The following MYO1F variants were observed in gnomAD, a reference collection of about 807,000 sequenced individuals.
MYO1F encodes the protein unconventional myosin-If.
MYO1F carries 60 observed loss-of-function variants against 146.6 expected under a neutral mutation model. The observed-to-expected ratio is 0.41, with a 90% CI of 0.33 to 0.51. The LOEUF is 0.51. MYO1F is among the 20% of genes least tolerant of loss of function. The pLI is 0.25. For synonymous variants in MYO1F, 602 were observed against 602.1 expected (o/e 1.00, Z 0.00); for missense variants, 1,274 against 1,534.3 (o/e 0.83, Z 2.83).
At chr19:8,526,674 C>CA in intron 23 of MYO1F, 73 bp from the exon 24 acceptor site, 1 of 1,549,002 alleles carries the variant, frequency 6.5e-7, no homozygotes, top group South Asian at 1.2e-5. Flanking sequence ...CTGGTTGGGG[C>CA]AGGGGCGGGG....
intron 1 of MYO1F, among the ~76,000 whole-genome samples, chr19:8,562,081 C>G (rs895442901): frequency 1.3e-5 from 2 of 151,530 alleles, no homozygotes; most frequent in African/African-American, 2.4e-5. Flanking sequence ...GTCGCCCAGG[C>G]TGAAGGGCAG....
At chr19:8,536,109 C>T (rs1568340359) in intron 19 of MYO1F, 143 bp downstream of exon 19, 6 of 1,094,164 alleles carry the variant, frequency 5.5e-6, no homozygotes, top group Non-Finnish European at 6.7e-6. Context: ...CCCTCTCTCT[C>T]AATCTGTTTC....
chr19:8,543,765 G>A (rs1276704996), intron 14 of MYO1F, among the ~76,000 whole-genome samples: 1 of 9,572 alleles, frequency 1.0e-4, no homozygotes, highest in Non-Finnish European at 2.0e-4. Context: ...GGTGGTGGTG[G>A]TGCTGGTGGT....
At chr19:8,562,270 G>T (rs1027582711) in intron 1 of MYO1F, among the ~76,000 whole-genome samples, 1 of 151,890 alleles carries the variant, frequency 6.6e-6, no homozygotes, top group African/African-American at 2.4e-5. Context: ...CAAAGCACTG[G>T]GATTATAGGC....
At position 8,530,719 on chromosome 19, in the gene MYO1F, T is replaced by C. The variant is rs867710924; in HGVS notation, c.2044-146A>G. 5.9e-6 allele frequency: 4 copies of C among 680,086 alleles called. No homozygotes were observed. Among genetic ancestry groups the C allele is most frequent in the Admixed American group, 4.5e-5 (2 of 44,002 alleles). 42.1% of individuals were successfully genotyped at this position (680,086 alleles called of 1,614,324 possible). A position where few individuals can be genotyped will look rare whatever the true frequency, so the allele number is the denominator to read the frequency against. On this transcript the variant is annotated intron_variant, in intron 19 of 27. Coordinates refer to ENST00000644032, the MANE Select transcript of MYO1F (RefSeq NM_012335.4). This position sits in a 1 kb window ranked among gnomAD's most constrained non-coding sequence, Gnocchi z 5.8. Reference sequence around the variant, plus strand: ...CTAATTTTTTTAAGAGGCGGGGTCTTTCTAGTGACACTCGTTCATAAAGAA... The same window carrying C: ...CTAATTTTTTTAAGAGGCGGGGTCTCTCTAGTGACACTCGTTCATAAAGAA...
At chr19:8,555,370 C>G (rs1973800378) in intron 2 of MYO1F, 1 of 325,708 alleles carries the variant, frequency 3.1e-6, no homozygotes, top group African/African-American at 2.9e-5. Context: ...GAGCAAGACT[C>G]CGTCTCAAAA....
rs868913799 is a variant in MYO1F, at chr19:8,576,906, G to A, written c.3+401C>T. 2.6e-5 allele frequency: 8 copies of A among 306,978 alleles called. No individual in the cohort carries two copies. In the East Asian group the frequency reaches 6.1e-4, roughly 23 times the overall value. 19.0% of individuals were successfully genotyped at this position (306,978 alleles called of 1,614,324 possible). A position where few individuals can be genotyped will look rare whatever the true frequency, so the allele number is the denominator to read the frequency against. ...TCCAAATATGACATCTGTGGGAACCGGGGCCAAGAGAGGGGAAGTGACTAG... is the reference window on the plus strand; with the variant it reads ...TCCAAATATGACATCTGTGGGAACCAGGGCCAAGAGAGGGGAAGTGACTAG... On this transcript the variant is annotated intron_variant, in intron 1 of 27. Coordinates refer to ENST00000644032, the MANE Select transcript of MYO1F (RefSeq NM_012335.4).
At chr19:8,540,979 T>A (rs1972938528) in intron 15 of MYO1F, among the ~76,000 whole-genome samples, 1 of 151,568 alleles carries the variant, frequency 6.6e-6, no homozygotes, top group African/African-American at 2.4e-5. Flanking sequence ...TGGGGTGGAG[T>A]TTGAGGTTCT....
chr19:8,553,736 G>T (rs191437652), intron 4 of MYO1F, among the ~76,000 whole-genome samples: 228 of 151,638 alleles, frequency 1.5e-3, no homozygotes, highest in African/African-American at 5.2e-3. Flanking sequence ...GCCGGACATG[G>T]TGGTGGGCGC....
intron 1 of MYO1F, among the ~76,000 whole-genome samples, chr19:8,556,887 C>CA (rs534645939): frequency 0.05 from 3,299 of 65,650 alleles, 80 homozygotes; most frequent in Non-Finnish European, 0.084. Context: ...AACTCTGTCT[C>CA]AAAAAAAAAA....
chr19:8,568,422 C>CAAAAAAAAAA lies in MYO1F; in HGVS notation c.3+8875_3+8884dup, dbSNP rs55833513. Among the ~76,000 whole-genome samples, 64 of 66,404 alleles carry CAAAAAAAAAA rather than the reference C, an allele frequency of 9.6e-4. 2 individuals are homozygous for CAAAAAAAAAA. The highest frequency in any genetic ancestry group is 3.1e-3 in the African/African-American group (45 of 14,356). The allele number at this position is 66,404 out of a possible 152,430, so 43.6% of individuals were successfully genotyped here. On this transcript the variant is annotated intron_variant, in intron 1 of 27. Transcript: ENST00000644032. ...TGGGTGAAAGAGTGAGACTCCGTCT[C>CAAAAAAAAAA]AAAAAAAAAAAAAAAAAAAAAAATT...
chr19:8,543,906 G>GTGGTGC (rs1973173660), intron 14 of MYO1F, among the ~76,000 whole-genome samples: 3 of 86,100 alleles, frequency 3.5e-5, no homozygotes, highest in Non-Finnish European at 6.4e-5. Context: ...GCTGGTGGTG[G>GTGGTGC]TGGTGGTGGT....
chr19:8,575,679 C>T (rs1488708763), intron 1 of MYO1F, among the ~76,000 whole-genome samples: 3 of 152,106 alleles, frequency 2.0e-5, no homozygotes, highest in Non-Finnish European at 4.4e-5. Context: ...CACCACTCCT[C>T]CAGGAAGATT....
chr19:8,543,963 GTGGTGGTGC>G (rs1973193430), intron 14 of MYO1F: 9 of 312,660 alleles, frequency 2.9e-5, no homozygotes, highest in East Asian at 2.3e-4. Flanking sequence ...GGTGGTGGTG[GTGGTGGTGC>G]TGGTGCTGGT....
At chr19:8,532,664 A>G (rs922551684) in intron 19 of MYO1F, among the ~76,000 whole-genome samples, 2 of 152,008 alleles carry the variant, frequency 1.3e-5, no homozygotes, top group African/African-American at 2.4e-5. Flanking sequence ...AGGTGGGAGC[A>G]TTGTTGAGCC....
At chr19:8,543,849 G>C (rs12971599) in intron 14 of MYO1F, among the ~76,000 whole-genome samples, 1 of 47,634 alleles carries the variant, frequency 2.1e-5, no homozygotes, top group Non-Finnish European at 3.9e-5. Flanking sequence ...GGTGGTGGTG[G>C]TGGTGGTGCT....
At chr19:8,543,903 G>A (rs1321685476) in intron 14 of MYO1F, among the ~76,000 whole-genome samples, 3 of 98,116 alleles carry the variant, frequency 3.1e-5, no homozygotes, top group Admixed American at 9.9e-5. Flanking sequence ...GGTGCTGGTG[G>A]TGGTGGTGGT....
intron 5 of MYO1F, 54 bp from the exon 6 acceptor site, chr19:8,553,282 A>G: frequency 1.2e-6 from 2 of 1,602,104 alleles, no homozygotes; most frequent in Admixed American, 3.3e-5. Context: ...AGGAGTGCAG[A>G]TGGGTGGGGC....
intron 13 of MYO1F, 129 bp downstream of exon 13, chr19:8,545,521 T>G: frequency 1.2e-6 from 1 of 801,406 alleles, no homozygotes; most frequent in Non-Finnish European, 2.3e-6. Flanking sequence ...TATCTGTCGC[T>G]GGAAGTCCTG....
Sources: gnomAD v4.1 joint callset for allele counts (sites outside exome capture counted in the v4.1 genomes callset) on GRCh38, gnomAD v4.1.1 for gene constraint, Gnocchi (gnomAD v3.1) non-coding constraint, MANE v1.5 for transcripts, NCBI Gene and HGNC (gene_info 2026-07-23, HGNC 2026-07-21) for gene names.